The following CCBE1 variants were observed in gnomAD, a reference collection of about 807,000 sequenced individuals.
CCBE1 encodes the protein collagen and calcium binding EGF domains 1, also known as collagen and calcium-binding EGF domain-containing protein 1.
CCBE1 carries 37 observed loss-of-function variants against 50.0 expected under a neutral mutation model. The ratio of observed to expected loss-of-function variants is 0.74; its 90% CI spans 0.57 to 0.97. The LOEUF (loss-of-function observed/expected upper bound fraction) is 0.97, where lower values mean the gene tolerates loss of function less well. CCBE1 is among the 50% of genes least tolerant of loss of function. The pLI, the probability that CCBE1 is intolerant of heterozygous loss-of-function variation, is 0.00. For missense variants in CCBE1, 538 were observed against 523.8 expected (o/e 1.03, Z -0.26); for synonymous variants, 234 against 203.7 (o/e 1.15, Z -1.27).
chr18:59,504,008 G>C lies in CCBE1; in HGVS notation c.213-23770C>G, dbSNP rs1446008179. On this transcript the variant is annotated intron_variant, in intron 2 of 10. Coordinates refer to ENST00000439986, the MANE Select transcript of CCBE1 (RefSeq NM_133459.4). ...TCCTAGAAGGCAGGAGGCTTGCCTT[G>C]TTCATCTTTATCATTTCCCCAGGAT... Among the ~76,000 whole-genome samples, 4 of 152,174 alleles carry C rather than the reference G, an allele frequency of 2.6e-5. No individual in the cohort carries two copies. The East Asian group carries it at 7.7e-4, about 29-fold the overall frequency.
chr18:59,594,620 T>C (rs1324465752), intron 2 of CCBE1, among the ~76,000 whole-genome samples: 1 of 152,226 alleles, frequency 6.6e-6, no homozygotes, highest in African/African-American at 2.4e-5. Flanking sequence ...AATCATCTTT[T>C]AGTTCTGCTT....
At chr18:59,563,270 G>T (rs968398912) in intron 2 of CCBE1, among the ~76,000 whole-genome samples, 1 of 152,148 alleles carries the variant, frequency 6.6e-6, no homozygotes, top group East Asian at 1.9e-4. Context: ...GGGTTGGGGG[G>T]AAGAATAGAA....
intron 2 of CCBE1, among the ~76,000 whole-genome samples, chr18:59,595,934 A>G (rs1353949299): frequency 1.3e-5 from 2 of 152,264 alleles, no homozygotes; most frequent in Non-Finnish European, 2.9e-5. Flanking sequence ...TGGGTGAATG[A>G]TGATGTGCAG....
At chr18:59,599,849 T>C (rs1351293675) in intron 2 of CCBE1, among the ~76,000 whole-genome samples, 1 of 152,184 alleles carries the variant, frequency 6.6e-6, no homozygotes, top group African/African-American at 2.4e-5. Flanking sequence ...AAACAGTAGT[T>C]GGTGGCAATT....
At chr18:59,492,138 T>C (rs4940882) in intron 2 of CCBE1, among the ~76,000 whole-genome samples, 132,121 of 132,160 alleles carry the variant, frequency 1, 66,041 homozygotes, top group Middle Eastern at 1. Context: ...GAGTGAGACT[T>C]TGTCTCAAAA....
At chr18:59,476,869 T>A (rs973168068) in intron 3 of CCBE1, among the ~76,000 whole-genome samples, 10 of 152,316 alleles carry the variant, frequency 6.6e-5, no homozygotes, top group Non-Finnish European at 5.9e-5. Flanking sequence ...ATGGTATGGT[T>A]TGTCCCATAA....
At chr18:59,444,861 A>C (rs1433883444) in intron 7 of CCBE1, among the ~76,000 whole-genome samples, 1 of 152,088 alleles carries the variant, frequency 6.6e-6, no homozygotes, top group African/African-American at 2.4e-5. Flanking sequence ...CTTTGGAGAA[A>C]TGTCTATTCA....
At position 59,443,033 on chromosome 18, in the gene CCBE1, C is replaced by A. The variant is rs188033630; in HGVS notation, c.776-3217G>T. On this transcript the variant is annotated intron_variant, in intron 7 of 10. Coordinates refer to ENST00000439986, the MANE Select transcript of CCBE1 (RefSeq NM_133459.4). Reference sequence around the variant, plus strand: ...TTTAATTCTTTTCAGAGGCCTGTATCGACACAGCTCTGAGACCATACCGAG... The same window carrying A: ...TTTAATTCTTTTCAGAGGCCTGTATAGACACAGCTCTGAGACCATACCGAG... 7.9e-5 allele frequency among the ~76,000 whole-genome samples: 12 copies of A among 152,152 alleles called. No individual in the cohort carries two copies. In the East Asian group the frequency reaches 2.3e-3, roughly 29 times the overall value.
intron 2 of CCBE1, among the ~76,000 whole-genome samples, chr18:59,641,235 T>TA (rs34330879): frequency 0.45 from 67,538 of 151,654 alleles, 16,420 homozygotes; most frequent in African/African-American, 0.64. Context: ...TTACAATGGA[T>TA]AAAAAAAATG....
intron 2 of CCBE1, among the ~76,000 whole-genome samples, chr18:59,505,628 T>C (rs1374920054): frequency 6.6e-6 from 1 of 152,236 alleles, no homozygotes; most frequent in Non-Finnish European, 1.5e-5. Context: ...ATTTCATATC[T>C]TCTAAAATAA....
chr18:59,583,684 C>T (rs201321432), intron 2 of CCBE1, among the ~76,000 whole-genome samples: 10,261 of 43,270 alleles, frequency 0.24, 947 homozygotes, highest in African/African-American at 0.49. Context: ...TGTGTGTGCG[C>T]GCGCGCGCGC....
At chr18:59,604,699 T>C (rs1423078976) in intron 2 of CCBE1, among the ~76,000 whole-genome samples, 10 of 152,362 alleles carry the variant, frequency 6.6e-5, no homozygotes, top group Admixed American at 4.6e-4. Context: ...TGTTTCAATG[T>C]CCAATTTGGA....
chr18:59,594,222 C>T (rs569779165), intron 2 of CCBE1, among the ~76,000 whole-genome samples: 23 of 152,328 alleles, frequency 1.5e-4, no homozygotes, highest in African/African-American at 2.4e-4. Context: ...GCCTTCCCTC[C>T]GTCCTCCTTC....
intron 2 of CCBE1, among the ~76,000 whole-genome samples, chr18:59,536,005 G>A (rs1915233045): frequency 6.6e-6 from 1 of 152,164 alleles, no homozygotes; most frequent in African/African-American, 2.4e-5. Flanking sequence ...AATTCTATGA[G>A]GAGGAGAAAG....
intron 5 of CCBE1, chr18:59,462,402 A>C (rs960257212): frequency 6.6e-6 from 1 of 151,964 alleles, no homozygotes; most frequent in South Asian, 2.1e-4. Flanking sequence ...GGTTTAATCA[A>C]AGTTTCTTTT....
chr18:59,484,167 T>C (rs2143784117), intron 2 of CCBE1, among the ~76,000 whole-genome samples: 1 of 152,338 alleles, frequency 6.6e-6, no homozygotes, highest in South Asian at 2.1e-4. Flanking sequence ...AAAACTGGCT[T>C]GAGTATTCAC....
At chr18:59,541,567 T>C (rs559186763) in intron 2 of CCBE1, among the ~76,000 whole-genome samples, 1 of 152,086 alleles carries the variant, frequency 6.6e-6, no homozygotes, top group Admixed American at 6.5e-5. Flanking sequence ...GGGGGTATAG[T>C]TCTGAATGCT....
chr18:59,638,126 T>C (rs2053938718), intron 2 of CCBE1, among the ~76,000 whole-genome samples: 1 of 152,142 alleles, frequency 6.6e-6, no homozygotes, highest in African/African-American at 2.4e-5. Flanking sequence ...ATGAACAAAA[T>C]GGGTTTAACT....
chr18:59,688,396 T>C (rs901686312), intron 2 of CCBE1: 3 of 152,212 alleles, frequency 2.0e-5, no homozygotes, highest in African/African-American at 7.2e-5. Flanking sequence ...CAGTGAGATA[T>C]GATTGCACCA....
Sources: allele counts gnomAD v4.1 joint callset (sites outside exome capture counted in the v4.1 genomes callset), GRCh38; gene constraint gnomAD v4.1.1; transcripts MANE v1.5; gene names NCBI Gene and HGNC (gene_info 2026-07-23, HGNC 2026-07-21).